GRM7: variants seen among roughly 807,000 people sequenced by gnomAD.
The protein encoded by GRM7 is glutamate metabotropic receptor 7.
In GRM7, 35 loss-of-function variants were observed where a neutral mutation model predicts 84.5. The observed-to-expected ratio is 0.41, with a 90% CI of 0.32 to 0.55. GRM7 has a LOEUF of 0.55. Among genes scored for constraint, GRM7 ranks in the 20% least tolerant of loss-of-function variants. The pLI, the probability that GRM7 is intolerant of heterozygous loss-of-function variation, is 0.19. For synonymous variants in GRM7, 487 were observed against 455.1 expected, an observed-to-expected ratio of 1.07 and a Z score of -0.89; for missense variants, 1,003 against 1,194.6, an observed-to-expected ratio of 0.84 and a Z score of 2.36.
At chr3:7,280,660 A>G (rs893482446) in intron 2 of GRM7, among the ~76,000 whole-genome samples, 2 of 152,250 alleles carry the variant, frequency 1.3e-5, no homozygotes, top group African/African-American at 2.4e-5. Flanking sequence ...GTACAAGCTC[A>G]GAAAAGTGTT....
intron 1 of GRM7, among the ~76,000 whole-genome samples, chr3:6,897,739 A>ATT (rs1233681156): frequency 1.3e-5 from 2 of 152,260 alleles, no homozygotes; most frequent in African/African-American, 4.8e-5. Flanking sequence ...TAAGAAGTTC[A>ATT]TCAAACAAGG....
chr3:7,520,733 T>A (rs994202818), intron 7 of GRM7, among the ~76,000 whole-genome samples: 22 of 152,198 alleles, frequency 1.4e-4, no homozygotes, highest in African/African-American at 4.6e-4. Context: ...GAGCTGTAAT[T>A]GTAGCATTCA....
chr3:7,013,614 G>A (rs933979617), intron 1 of GRM7, among the ~76,000 whole-genome samples: 5 of 151,912 alleles, frequency 3.3e-5, no homozygotes, highest in African/African-American at 4.8e-5. Context: ...ATATGAGTTC[G>A]TTTGAATTAA....
intron 8 of GRM7, among the ~76,000 whole-genome samples, chr3:7,646,336 T>G (rs1297836032): frequency 6.6e-6 from 1 of 152,052 alleles, no homozygotes; most frequent in Non-Finnish European, 1.5e-5. Flanking sequence ...GGATTACAGG[T>G]GCATGCCACC....
chr3:7,008,285 T>C lies in GRM7; in HGVS notation c.520-138167T>C, dbSNP rs530499003. On this transcript the variant is annotated intron_variant, in intron 1 of 9. Coordinates refer to ENST00000357716, the MANE Select transcript of GRM7 (RefSeq NM_000844.4). ...AGCATCCTGGTGCATCAGTAGAAAT[T>C]GTCAAGAATGGCCTATTTAGTTTGT... 2.0e-5 allele frequency among the ~76,000 whole-genome samples: 3 copies of C among 152,320 alleles called. No homozygotes were observed. In the South Asian group the frequency reaches 6.2e-4, roughly 32 times the overall value.
chr3:6,892,350 C>G (rs1292401609), intron 1 of GRM7, among the ~76,000 whole-genome samples: 1 of 149,992 alleles, frequency 6.7e-6, no homozygotes, highest in Non-Finnish European at 1.5e-5. Context: ...CGAGGCAGGC[C>G]TGCACATACA....
chr3:7,001,134 C>T (rs1694999253), intron 1 of GRM7, among the ~76,000 whole-genome samples: 1 of 152,106 alleles, frequency 6.6e-6, no homozygotes, highest in South Asian at 2.1e-4. Context: ...CATGCAAAGC[C>T]TTTTTAAATA....
At position 7,637,482 on chromosome 3, in the gene GRM7, A is replaced by C. The variant is rs150380196; in HGVS notation, c.2452-42567A>C. On this transcript the variant is annotated intron_variant, in intron 8 of 9. Transcript: ENST00000357716. ...CCTGAGATGCCAGGCACAACCCTCT[A>C]TTAAAAAATCCATCAGACACGAAGA... Among the ~76,000 whole-genome samples, 231 of 152,356 alleles carry C rather than the reference A, an allele frequency of 1.5e-3. 3 individuals are homozygous for C. The highest frequency in any genetic ancestry group is 5.3e-3 in the African/African-American group (220 of 41,596).
At chr3:7,645,347 G>C (rs543151199) in intron 8 of GRM7, among the ~76,000 whole-genome samples, 12 of 151,962 alleles carry the variant, frequency 7.9e-5, no homozygotes, top group African/African-American at 2.7e-4. Context: ...AGGAGATTGA[G>C]ACCATCCTGG....
chr3:7,492,919 G>C (rs1206327979), intron 7 of GRM7, among the ~76,000 whole-genome samples: 2 of 151,712 alleles, frequency 1.3e-5, no homozygotes, highest in Non-Finnish European at 2.9e-5. Flanking sequence ...TTTTCCTTGA[G>C]AATCTTCTTT....
intron 8 of GRM7, among the ~76,000 whole-genome samples, chr3:7,619,179 GGTAATTAAAT>G (rs1247757375): frequency 6.6e-6 from 1 of 152,078 alleles, no homozygotes; most frequent in Admixed American, 6.6e-5. Context: ...CCTTAATGAA[GGTAATTAAAT>G]GTAATTTGAA....
intron 1 of GRM7, among the ~76,000 whole-genome samples, chr3:7,034,138 GTAAAAT>G (rs1383602422): frequency 2.6e-5 from 4 of 152,102 alleles, no homozygotes; most frequent in Non-Finnish European, 5.9e-5. Flanking sequence ...TATCCTCTGG[GTAAAAT>G]TATACTAGGT....
intron 2 of GRM7, among the ~76,000 whole-genome samples, chr3:7,150,124 A>C (rs945154140): frequency 2.6e-5 from 4 of 152,116 alleles, no homozygotes; most frequent in Middle Eastern, 3.4e-3. Context: ...AGGGGGGTGC[A>C]TAGACTCAAT....
intron 1 of GRM7, among the ~76,000 whole-genome samples, chr3:7,110,632 T>C (rs74285842): frequency 0.01 from 1,520 of 149,826 alleles, 56 homozygotes; most frequent in East Asian, 0.073. Context: ...TATATATATA[T>C]AATTTTTTGC....
At chr3:7,686,925 A>C (rs1700608836) in intron 9 of GRM7, among the ~76,000 whole-genome samples, 1 of 152,190 alleles carries the variant, frequency 6.6e-6, no homozygotes, top group Non-Finnish European at 1.5e-5. Flanking sequence ...ACACATTCCT[A>C]AAAAAGTATC....
chr3:7,608,590 G>A (rs1224935128), intron 8 of GRM7, among the ~76,000 whole-genome samples: 1 of 151,926 alleles, frequency 6.6e-6, no homozygotes, highest in Admixed American at 6.6e-5. Flanking sequence ...GTAAATTTAA[G>A]TTCCTTGTAG....
rs1370786573 is a variant in GRM7, at chr3:6,861,190, G to T, written c.-199G>T. 3 of 456,372 alleles carry T rather than the reference G, an allele frequency of 6.6e-6. No homozygotes were observed. The highest frequency in any genetic ancestry group is 1.1e-5 in the Non-Finnish European group (3 of 265,522). 28.3% of individuals were successfully genotyped at this position (456,372 alleles called of 1,614,324 possible). ...GGCGCGCCGGCCGGCTAACCCGAGA[G>T]CGCGAGGCGCCCCAGGCTGGCAGGC... On this transcript the variant is annotated 5_prime_UTR_variant, in exon 1 of 10. Coordinates refer to ENST00000357716, the MANE Select transcript of GRM7 (RefSeq NM_000844.4). The surrounding 1 kb of genome is among the most constrained non-coding windows in gnomAD (Gnocchi z 6.4).
intron 7 of GRM7, among the ~76,000 whole-genome samples, chr3:7,505,199 T>TG (rs1296098574): frequency 2.0e-5 from 3 of 152,222 alleles, no homozygotes; most frequent in Non-Finnish European, 2.9e-5. Flanking sequence ...CAGGACACAG[T>TG]GGGGATTTGG....
intron 9 of GRM7, among the ~76,000 whole-genome samples, chr3:7,688,599 C>T (rs975593790): frequency 1.4e-4 from 21 of 152,106 alleles, no homozygotes; most frequent in Non-Finnish European, 4.4e-5. Flanking sequence ...TTTACTTGTT[C>T]AGGTCAGTAA....
Sources: allele counts gnomAD v4.1 joint callset (sites outside exome capture counted in the v4.1 genomes callset), GRCh38; gene constraint gnomAD v4.1.1; non-coding constraint Gnocchi (gnomAD v3.1); transcripts MANE v1.5; gene names NCBI Gene and HGNC (gene_info 2026-07-23, HGNC 2026-07-21).